The following LOXHD1 variants were observed in gnomAD, a reference collection of about 807,000 sequenced individuals.
The protein encoded by LOXHD1 is lipoxygenase homology domain-containing protein 1.
A neutral mutation model predicts 248.2 loss-of-function variants in LOXHD1; 205 were observed. The ratio of observed to expected loss-of-function variants is 0.83; its 90% CI spans 0.74 to 0.93. The LOEUF (loss-of-function observed/expected upper bound fraction) is 0.93. Ranked by LOEUF, LOXHD1 falls within the 40% of genes least tolerant of loss-of-function variation. LOXHD1 has a pLI of 0.00. For missense variants in LOXHD1, 2,930 were observed against 2,971.6 expected, an observed-to-expected ratio of 0.99 and a Z score of 0.33; for synonymous variants, 1,113 against 1,162.8, an observed-to-expected ratio of 0.96 and a Z score of 0.87.
intron 1 of LOXHD1, among the ~76,000 whole-genome samples, chr18:46,654,225 A>T (rs1028921970): frequency 1.3e-5 from 2 of 152,240 alleles, no homozygotes; most frequent in African/African-American, 4.8e-5. Context: ...AAGAAAAAAA[A>T]ATATGTTCTT....
intron 21 of LOXHD1, among the ~76,000 whole-genome samples, chr18:46,548,979 C>G (rs536228001): frequency 6.6e-6 from 1 of 152,254 alleles, no homozygotes; most frequent in Non-Finnish European, 1.5e-5. Context: ...CTCCTTGTAC[C>G]GACAGAACCA....
At position 46,521,178 on chromosome 18, in the gene LOXHD1, C is replaced by G. The variant is rs764521831; in HGVS notation, c.5190G>C (p.Trp1730Cys). ...TGCCGTCGCCTCTGTCCTTGGCCAG[C>G]CAGCAGTTACAGTTCAACATGTACT... ...GTKYMLNCNC[W>C]LAKDRGDGIT... The change falls in exon 33 of 41, where the codon TGG becomes TGC. Residue 1730 changes from tryptophan (W) to cysteine (C), a missense_variant. Coordinates refer to ENST00000642948, the MANE Select transcript of LOXHD1 (RefSeq NM_001384474.1). 4.3e-5 allele frequency: 67 copies of G among 1,551,642 alleles called. No individual in the cohort carries two copies. Among genetic ancestry groups the G allele is most frequent in the Non-Finnish European group, 5.8e-5 (66 of 1,147,030 alleles).
intron 8 of LOXHD1, among the ~76,000 whole-genome samples, chr18:46,598,556 A>G (rs1173749780): frequency 3.3e-5 from 5 of 152,124 alleles, no homozygotes; most frequent in Admixed American, 6.5e-5. Flanking sequence ...CTACAGAAAA[A>G]AAACAAAGAA....
At chr18:46,499,787 C>G (rs936142351) in intron 37 of LOXHD1, among the ~76,000 whole-genome samples, 9 of 152,152 alleles carry the variant, frequency 5.9e-5, no homozygotes, top group African/African-American at 1.9e-4. Context: ...CATACAGTGG[C>G]TTAAATATTT....
At chr18:46,629,395 C>T (rs1021227082) in intron 4 of LOXHD1, among the ~76,000 whole-genome samples, 2 of 152,188 alleles carry the variant, frequency 1.3e-5, no homozygotes, top group Admixed American at 6.5e-5. Flanking sequence ...AGAGCCTTTG[C>T]GATGGGTGTT....
chr18:46,512,245 G>A (rs2035007838), intron 34 of LOXHD1, among the ~76,000 whole-genome samples: 1 of 152,006 alleles, frequency 6.6e-6, no homozygotes, highest in East Asian at 1.9e-4. Context: ...CTTTAGAGAT[G>A]TCTTTTCAGG....
chr18:46,527,121 T>G (rs1378030511), intron 29 of LOXHD1, among the ~76,000 whole-genome samples: 3 of 151,256 alleles, frequency 2.0e-5, no homozygotes, highest in Non-Finnish European at 4.4e-5. Flanking sequence ...GACATAACAA[T>G]TGCTGAGAGA....
At chr18:46,592,373 A>G (rs2038187443) in intron 11 of LOXHD1, 125 bp downstream of exon 11, 3 of 839,616 alleles carry the variant, frequency 3.6e-6, no homozygotes, top group African/African-American at 1.7e-5. Flanking sequence ...AGGTCTCACC[A>G]TAACCCTTTT....
At chr18:46,606,109 CA>C (rs1188728649) in intron 6 of LOXHD1, among the ~76,000 whole-genome samples, 1 of 152,000 alleles carries the variant, frequency 6.6e-6, no homozygotes, top group African/African-American at 2.4e-5. Context: ...GATAAGACTA[CA>C]ATGAAAAGGC....
chr18:46,623,808 G>C (rs2038701436), intron 4 of LOXHD1, among the ~76,000 whole-genome samples: 1 of 152,224 alleles, frequency 6.6e-6, no homozygotes, highest in African/African-American at 2.4e-5. Context: ...AGCAGTGACA[G>C]AACACATCTC....
chr18:46,503,152 G>T (rs532507125), intron 37 of LOXHD1, among the ~76,000 whole-genome samples: 2 of 152,324 alleles, frequency 1.3e-5, no homozygotes, highest in East Asian at 3.9e-4. Context: ...TCTTGCCAGT[G>T]TGTGCTGGTA....
At chr18:46,484,995 T>G in intron 39 of LOXHD1, 24 bp downstream of exon 39, 9 of 1,054,558 alleles carry the variant, frequency 8.5e-6, no homozygotes, top group African/African-American at 1.6e-5. Flanking sequence ...CCCCCACCAC[T>G]TCCCATGGGC....
chr18:46,618,371 A>G, intron 4 of LOXHD1, 81 bp from the exon 5 acceptor site: 1 of 867,542 alleles, frequency 1.2e-6, no homozygotes, highest in Non-Finnish European at 1.9e-6. Flanking sequence ...CTACCACACC[A>G]TCTACACTTA....
At chr18:46,606,964 G>A (rs1037043515) in intron 6 of LOXHD1, among the ~76,000 whole-genome samples, 5 of 152,018 alleles carry the variant, frequency 3.3e-5, no homozygotes, top group Middle Eastern at 6.8e-3. Context: ...TCAGGAGTTC[G>A]AGACCAGCCT....
chr18:46,550,741 A>T lies in LOXHD1; in HGVS notation c.3351-3683T>A, dbSNP rs150418447. The stretch of plus-strand genomic sequence containing the variant: ...TCCCCTGATACCCTACATCAGACAT[A>T]TAAGTGAGAAATAAATGTTTGTTGT... On this transcript the variant is annotated intron_variant, in intron 21 of 40. Transcript: ENST00000642948. Among the ~76,000 whole-genome samples the T allele has an allele frequency of 7.9e-5, 12 of 152,334 alleles. No individual in the cohort carries two copies. In the East Asian group the frequency reaches 2.3e-3, roughly 29 times the overall value.
chr18:46,499,180 T>G (rs1238118308), intron 37 of LOXHD1, among the ~76,000 whole-genome samples: 2 of 152,216 alleles, frequency 1.3e-5, no homozygotes, highest in African/African-American at 4.8e-5. Flanking sequence ...TTCAGTGTTG[T>G]GAGTGCTAGA....
intron 35 of LOXHD1, among the ~76,000 whole-genome samples, chr18:46,509,392 C>T (rs2034803634): frequency 6.6e-6 from 1 of 152,236 alleles, no homozygotes; most frequent in African/African-American, 2.4e-5. Context: ...TCTCAACCCT[C>T]CCAGCTGCTG....
chr18:46,535,622 G>A (rs1163334307), intron 26 of LOXHD1, among the ~76,000 whole-genome samples: 1 of 152,138 alleles, frequency 6.6e-6, no homozygotes, highest in Non-Finnish European at 1.5e-5. Context: ...AGGCTGGAGT[G>A]CAGTGGCGCA....
Position 46,601,451 on chromosome 18 carries a change from G to A in LOXHD1, c.900C>T (p.Val300=). The A allele has an allele frequency of 6.4e-7, 1 of 1,551,790 alleles. No homozygotes were observed. The highest frequency in any genetic ancestry group is 8.7e-7 in the Non-Finnish European group (1 of 1,147,036). The change falls in exon 8 of 41, where the codon GTC becomes GTT. Residue 300 remains valine, a synonymous_variant. Transcript: ENST00000642948. ...CCCGGACATCCCCAGTGAAGACGGT[G>A]ACAATATACGTAATAGCTGGTGTGG... ...GAETTAITYI[V]TVFTGDVRGA... is the part of the protein sequence containing the mutation.
Sources: allele counts gnomAD v4.1 joint callset (sites outside exome capture counted in the v4.1 genomes callset), GRCh38; gene constraint gnomAD v4.1.1; transcripts MANE v1.5; gene names NCBI Gene and HGNC (gene_info 2026-07-23, HGNC 2026-07-21).